Variants in HECW2 observed in about 807,000 individuals in gnomAD.
HECW2 encodes E3 ubiquitin-protein ligase HECW2.
Under a neutral mutation model 175.2 loss-of-function variants are expected in HECW2, and 61 were observed. The observed-to-expected ratio is 0.35, with a 90% CI of 0.28 to 0.43. HECW2 has a LOEUF of 0.43. HECW2 is among the 20% of genes least tolerant of loss of function. The probability of loss-of-function intolerance (pLI) is 1.00; values close to 1 mark genes in which losing one functional copy is unlikely to be tolerated. For missense variants in HECW2, 1,524 were observed against 2,000.5 expected, an observed-to-expected ratio of 0.76 and a Z score of 4.54; for synonymous variants, 671 against 731.0, an observed-to-expected ratio of 0.92 and a Z score of 1.32.
rs375827600 is a variant in HECW2, at chr2:196,569,371, C to CTAAACTAAACTAAACTAAAATAAAA, written c.-36+24136_-36+24137insTTTTATTTTAGTTTAGTTTAGTTTA. On this transcript the variant is annotated intron_variant, in intron 1 of 28. Coordinates refer to ENST00000644978, the MANE Select transcript of HECW2 (RefSeq NM_001348768.2). ...CTAAACTAAACTAAACTAAACTAAA[C>CTAAACTAAACTAAACTAAAATAAAA]TAAAATAAAATAAAATAGGCTTTGT... Among the ~76,000 whole-genome samples the CTAAACTAAACTAAACTAAAATAAAA allele has an allele frequency of 9.2e-3, 1,326 of 144,258 alleles. 21 individuals carry two copies. Among genetic ancestry groups the CTAAACTAAACTAAACTAAAATAAAA allele is most frequent in the African/African-American group, 0.03 (1,042 of 34,998 alleles). The allele number at this position is 144,258 out of a possible 152,430, so 94.6% of individuals were successfully genotyped here.
At chr2:196,391,571 T>G (rs1694510997) in intron 2 of HECW2, among the ~76,000 whole-genome samples, 1 of 152,168 alleles carries the variant, frequency 6.6e-6, no homozygotes, top group South Asian at 2.1e-4. Flanking sequence ...AACCCCATAG[T>G]TTTTCTACTT....
chr2:196,218,212 TG>T (rs1169881915), intron 26 of HECW2: 1 of 152,246 alleles, frequency 6.6e-6, no homozygotes, highest in Non-Finnish European at 1.5e-5. Flanking sequence ...GCTTCCCTTT[TG>T]CTATTTGTGC....
intron 2 of HECW2, among the ~76,000 whole-genome samples, chr2:196,399,415 G>A (rs893260117): frequency 2.6e-5 from 4 of 152,210 alleles, no homozygotes; most frequent in Admixed American, 6.5e-5. Flanking sequence ...GAGGGCTTAT[G>A]ATCTTCTGCA....
intron 28 of HECW2, among the ~76,000 whole-genome samples, chr2:196,207,946 G>A (rs1186190498): frequency 6.6e-6 from 1 of 152,198 alleles, no homozygotes; most frequent in Non-Finnish European, 1.5e-5. Flanking sequence ...CTTCACTTGT[G>A]AATGCCTCTG....
chr2:196,430,859 A>G (rs1431091539), intron 2 of HECW2, among the ~76,000 whole-genome samples: 1 of 152,194 alleles, frequency 6.6e-6, no homozygotes. Flanking sequence ...AGAAAAAAAT[A>G]AAAACAGAAA....
intron 1 of HECW2, among the ~76,000 whole-genome samples, chr2:196,509,069 G>A (rs528119560): frequency 8.8e-4 from 134 of 152,244 alleles, no homozygotes; most frequent in African/African-American, 3.0e-3. Flanking sequence ...GTTTAATTAA[G>A]CTTTCAGCTC....
chr2:196,410,535 G>A (rs1276181793), intron 2 of HECW2, among the ~76,000 whole-genome samples: 3 of 152,070 alleles, frequency 2.0e-5, no homozygotes, highest in Non-Finnish European at 4.4e-5. Flanking sequence ...TGTTATGTCC[G>A]ATCAGATCAG....
At chr2:196,389,783 T>G (rs926511336) in intron 2 of HECW2, among the ~76,000 whole-genome samples, 4 of 152,102 alleles carry the variant, frequency 2.6e-5, no homozygotes, top group Non-Finnish European at 5.9e-5. Flanking sequence ...TAGTAAGAAA[T>G]CAGAAGTGGG....
chr2:196,515,832 A>G (rs778608434), intron 1 of HECW2, among the ~76,000 whole-genome samples: 15 of 152,104 alleles, frequency 9.9e-5, no homozygotes, highest in Non-Finnish European at 1.8e-4. Context: ...TGTTATTAAA[A>G]CAAAACCTAG....
intron 2 of HECW2, among the ~76,000 whole-genome samples, chr2:196,381,926 G>T (rs1201814443): frequency 6.6e-6 from 1 of 152,084 alleles, no homozygotes; most frequent in Non-Finnish European, 1.5e-5. Flanking sequence ...CTATTTGTTT[G>T]TAATAGAGAA....
intron 23 of HECW2, among the ~76,000 whole-genome samples, chr2:196,224,474 T>C (rs1256547738): frequency 1.3e-5 from 2 of 151,828 alleles, no homozygotes; most frequent in African/African-American, 2.4e-5. Context: ...AAGCTTCAGG[T>C]ACACCAAGAC....
chr2:196,407,034 C>T (rs922011945), intron 2 of HECW2, among the ~76,000 whole-genome samples: 2 of 152,074 alleles, frequency 1.3e-5, no homozygotes, highest in Non-Finnish European at 2.9e-5. Context: ...ATTGCCATAT[C>T]CCAGGATCTA....
intron 2 of HECW2, among the ~76,000 whole-genome samples, chr2:196,410,926 G>A (rs996269472): frequency 2.8e-4 from 42 of 152,136 alleles, no homozygotes; most frequent in Non-Finnish European, 3.7e-4. Flanking sequence ...AGCCCACCGA[G>A]AAGATACATG....
At chr2:196,361,586 T>A (rs768234488) in intron 2 of HECW2, among the ~76,000 whole-genome samples, 5 of 152,212 alleles carry the variant, frequency 3.3e-5, no homozygotes, top group Admixed American at 1.3e-4. Flanking sequence ...TGTCTATATG[T>A]AACAGTTTTG....
At position 196,306,477 on chromosome 2, in the gene HECW2, T is replaced by C. The variant is rs1199104191; in HGVS notation, c.2814+11A>G. Reference sequence around the variant, plus strand: ...TGTTTTCCTTCACACTCTTTCAGATTCGCTACTCACAGGGTTAGAATGCAG... The same window carrying C: ...TGTTTTCCTTCACACTCTTTCAGATCCGCTACTCACAGGGTTAGAATGCAG... On this transcript the variant is annotated intron_variant, in intron 13 of 28. Transcript: ENST00000644978. The C allele has an allele frequency of 2.1e-5, 33 of 1,599,660 alleles. No individual in the cohort carries two copies. The highest frequency in any genetic ancestry group is 2.8e-5 in the Non-Finnish European group (33 of 1,173,050).
intron 2 of HECW2, among the ~76,000 whole-genome samples, chr2:196,358,600 A>G (rs949726271): frequency 9.0e-4 from 134 of 148,712 alleles, no homozygotes; most frequent in African/African-American, 3.2e-3. Context: ...AAAAAAAAAA[A>G]AAAAAAAAAA....
At chr2:196,344,419 T>A (rs1327846724) in intron 2 of HECW2, among the ~76,000 whole-genome samples, 1 of 151,570 alleles carries the variant, frequency 6.6e-6, no homozygotes, top group African/African-American at 2.4e-5. Flanking sequence ...AAAGCAGCAT[T>A]TTCCAAGCTT....
chr2:196,370,133 A>G (rs1418407226), intron 2 of HECW2, among the ~76,000 whole-genome samples: 1 of 151,762 alleles, frequency 6.6e-6, no homozygotes, highest in African/African-American at 2.4e-5. Context: ...GCTGGGTCAT[A>G]CCTGAAGCCA....
intron 6 of HECW2, among the ~76,000 whole-genome samples, chr2:196,323,918 TG>T (rs149219154): frequency 0.7 from 70,829 of 100,942 alleles, 22,816 homozygotes; most frequent in East Asian, 0.85. Context: ...GTTTTTTGTT[TG>T]TTTTTTTTTT....
Sources: allele counts gnomAD v4.1 joint callset (sites outside exome capture counted in the v4.1 genomes callset), GRCh38; gene constraint gnomAD v4.1.1; transcripts MANE v1.5; gene names NCBI Gene and HGNC (gene_info 2026-07-23, HGNC 2026-07-21).